THSD7B: variants seen among roughly 807,000 people sequenced by gnomAD.
THSD7B encodes the protein thrombospondin type 1 domain containing 7B, also known as thrombospondin type-1 domain-containing protein 7B.
In THSD7B, 138 loss-of-function variants were observed where a neutral mutation model predicts 213.6. The observed-to-expected ratio is 0.65, with a 90% CI of 0.56 to 0.74. The LOEUF is 0.74. Among genes scored for constraint, THSD7B ranks in the 30% least tolerant of loss-of-function variants. THSD7B has a pLI of 0.00. For missense variants in THSD7B, 1,931 were observed against 1,991.5 expected (o/e 0.97, Z 0.58); for synonymous variants, 742 against 687.0 (o/e 1.08, Z -1.25).
intron 10 of THSD7B, among the ~76,000 whole-genome samples, chr2:137,259,709 C>T (rs538009035): frequency 6.6e-6 from 1 of 152,280 alleles, no homozygotes; most frequent in South Asian, 2.1e-4. Flanking sequence ...CTGTATGAAA[C>T]ACTAAATGTT....
At chr2:136,790,268 C>T (rs1681944538) in intron 1 of THSD7B, among the ~76,000 whole-genome samples, 1 of 151,336 alleles carries the variant, frequency 6.6e-6, no homozygotes, top group Admixed American at 6.6e-5. Context: ...GTAATAAACC[C>T]CACTGAGTTA....
chr2:137,354,211 T>A (rs555244647), intron 12 of THSD7B, among the ~76,000 whole-genome samples: 1 of 152,178 alleles, frequency 6.6e-6, no homozygotes, highest in South Asian at 2.1e-4. Context: ...CAGTAGTATC[T>A]TATTTGCCTT....
intron 7 of THSD7B, among the ~76,000 whole-genome samples, chr2:137,221,656 A>G (rs761607746): frequency 2.2e-4 from 33 of 152,216 alleles, no homozygotes; most frequent in Admixed American, 9.2e-4. Flanking sequence ...TTGGGGTGTT[A>G]TTTATCACAG....
At chr2:137,574,338 G>A (rs147743006) in intron 17 of THSD7B, among the ~76,000 whole-genome samples, 24 of 152,086 alleles carry the variant, frequency 1.6e-4, no homozygotes, top group Middle Eastern at 6.8e-3. Flanking sequence ...GAAATTGGAG[G>A]TAGAGAAAAT....
intron 7 of THSD7B, among the ~76,000 whole-genome samples, chr2:137,224,278 C>T (rs890408998): frequency 3.3e-5 from 5 of 152,162 alleles, no homozygotes; most frequent in African/African-American, 1.2e-4. Flanking sequence ...GTGGATTGAG[C>T]CTTCTGTAGC....
chr2:137,509,817 G>A (rs1379439530), intron 15 of THSD7B, among the ~76,000 whole-genome samples: 1 of 152,138 alleles, frequency 6.6e-6, no homozygotes, highest in African/African-American at 2.4e-5. Context: ...TAGAGGCTTA[G>A]ATGTCTGTAA....
intron 15 of THSD7B, among the ~76,000 whole-genome samples, chr2:137,510,926 A>G (rs1472825575): frequency 6.6e-6 from 1 of 152,132 alleles, no homozygotes; most frequent in Non-Finnish European, 1.5e-5. Context: ...GAAGGGAGGT[A>G]TACTAACTAC....
intron 5 of THSD7B, among the ~76,000 whole-genome samples, chr2:137,115,509 C>T (rs1329430859): frequency 3.3e-5 from 5 of 152,072 alleles, no homozygotes; most frequent in African/African-American, 1.2e-4. Context: ...CCAAGAGTCA[C>T]TGTGAAAGTT....
rs185020682 is a variant in THSD7B at position 137,400,524 on chromosome 2, A to C, written c.2501-5089A>C. Among the ~76,000 whole-genome samples the C allele has an allele frequency of 1.3e-3, 193 of 152,220 alleles. 1 individual carries two copies. Among genetic ancestry groups the C allele is most frequent in the African/African-American group, 4.3e-3 (179 of 41,520 alleles). On this transcript the variant is annotated intron_variant, in intron 12 of 27. Coordinates refer to ENST00000409968, the MANE Select transcript of THSD7B (RefSeq NM_001316349.2). Reference sequence around the variant, plus strand: ...TAGCTTTAGTGTGGTAGCTTCCTTGAATGCAGTTGTAGTAGTGGTACACTG... The same window carrying C: ...TAGCTTTAGTGTGGTAGCTTCCTTGCATGCAGTTGTAGTAGTGGTACACTG...
rs543135798 is a variant in THSD7B at position 137,056,386 on chromosome 2, T to G, written c.140-34T>G. ...CCTGTGAATTGCTGAATGTAATCTC[T>G]GAGTAATTAACATCCTTGTTTTTCT... On this transcript the variant is annotated intron_variant, in intron 2 of 27. Transcript: ENST00000409968. 28 of 1,573,334 alleles carry G rather than the reference T, an allele frequency of 1.8e-5. No individual in the cohort carries two copies. The East Asian group carries it at 6.3e-4, about 35-fold the overall frequency.
chr2:137,413,583 G>C (rs1686721718), intron 14 of THSD7B, among the ~76,000 whole-genome samples: 1 of 152,186 alleles, frequency 6.6e-6, no homozygotes, highest in Non-Finnish European at 1.5e-5. Flanking sequence ...TAACAAGGTT[G>C]TTTTAGTTAG....
At chr2:137,544,385 A>G (rs769583081) in intron 15 of THSD7B, among the ~76,000 whole-genome samples, 62 of 151,884 alleles carry the variant, frequency 4.1e-4, no homozygotes, top group Non-Finnish European at 7.1e-4. Flanking sequence ...TGAAATTTCC[A>G]GAATAGGCAA....
intron 17 of THSD7B, among the ~76,000 whole-genome samples, chr2:137,583,674 C>T (rs890951407): frequency 6.6e-6 from 1 of 152,104 alleles, no homozygotes; most frequent in Admixed American, 6.5e-5. Context: ...TTTCTGAGGG[C>T]TCTGTTCTGT....
chr2:137,004,101 A>T (rs1324562389), intron 2 of THSD7B, among the ~76,000 whole-genome samples: 1 of 152,212 alleles, frequency 6.6e-6, no homozygotes, highest in Non-Finnish European at 1.5e-5. Context: ...AAAGTATCTA[A>T]GAAAATCAAT....
chr2:137,236,813 A>G (rs570006361), intron 9 of THSD7B, among the ~76,000 whole-genome samples: 2 of 152,132 alleles, frequency 1.3e-5, no homozygotes, highest in Non-Finnish European at 2.9e-5. Flanking sequence ...CACAGTGCTT[A>G]TAAGAAGCTG....
At chr2:136,918,882 T>C (rs2105031990) in intron 2 of THSD7B, among the ~76,000 whole-genome samples, 1 of 152,318 alleles carries the variant, frequency 6.6e-6, no homozygotes, top group African/African-American at 2.4e-5. Context: ...CGTACCATTC[T>C]CCTGACCTGG....
chr2:137,323,023 C>T lies in THSD7B; in HGVS notation c.2500+46997C>T. On this transcript the variant is annotated intron_variant, in intron 12 of 27. Transcript: ENST00000409968. ...TGCCATGGCTTTTGTCGCTATGTGGCTCCATATTCCTGACTCTCAGGCAAG... is the reference window on the plus strand; with the variant it reads ...TGCCATGGCTTTTGTCGCTATGTGGTTCCATATTCCTGACTCTCAGGCAAG... Among the ~76,000 whole-genome samples, 2 of 152,120 alleles carry T rather than the reference C, an allele frequency of 1.3e-5. 1 individual carries two copies. Among genetic ancestry groups the T allele is most frequent in the Non-Finnish European group, 2.9e-5 (2 of 68,030 alleles).
rs1393015593 is a variant in THSD7B, at chr2:137,079,451, C to T, written c.951-15422C>T. Reference sequence around the variant, plus strand: ...CTATTTCTTCATAGTGAAATGTTAACTTTACATTCTAAAGTGTTTTTATTT... The same window carrying T: ...CTATTTCTTCATAGTGAAATGTTAATTTTACATTCTAAAGTGTTTTTATTT... On this transcript the variant is annotated intron_variant, in intron 3 of 27. Coordinates refer to ENST00000409968, the MANE Select transcript of THSD7B (RefSeq NM_001316349.2). Among the ~76,000 whole-genome samples the T allele has an allele frequency of 2.0e-5, 3 of 152,220 alleles. No individual in the cohort carries two copies. In the East Asian group the frequency reaches 5.8e-4, roughly 29 times the overall value.
At chr2:137,061,042 TA>T (rs915884935) in intron 3 of THSD7B, among the ~76,000 whole-genome samples, 10 of 149,668 alleles carry the variant, frequency 6.7e-5, no homozygotes, top group African/African-American at 1.5e-4. Context: ...GAGGGTTTTT[TA>T]AAAAAAATAT....
Sources: gnomAD v4.1 joint callset for allele counts (sites outside exome capture counted in the v4.1 genomes callset) on GRCh38, gnomAD v4.1.1 for gene constraint, MANE v1.5 for transcripts, NCBI Gene and HGNC (gene_info 2026-07-23, HGNC 2026-07-21) for gene names.